The following GORASP2 variants were observed in gnomAD, a reference collection of about 807,000 sequenced individuals.
GORASP2 encodes golgi reassembly stacking protein 2.
In GORASP2, 22 loss-of-function variants were observed where a neutral mutation model predicts 45.7. That is an observed-to-expected ratio of 0.48 (90% CI 0.34 to 0.69). The LOEUF (loss-of-function observed/expected upper bound fraction) is 0.69. Among genes scored for constraint, GORASP2 ranks in the 30% least tolerant of loss-of-function variants. GORASP2 has a pLI of 0.01. For missense variants in GORASP2, 491 were observed against 562.7 expected, an observed-to-expected ratio of 0.87 and a Z score of 1.29; for synonymous variants, 221 against 215.6, an observed-to-expected ratio of 1.02 and a Z score of -0.22.
chr2:170,965,774 G>T lies in GORASP2; in HGVS notation c.1019-16G>T. 9 of 1,570,774 alleles carry T rather than the reference G, an allele frequency of 5.7e-6. No homozygotes were observed. Among genetic ancestry groups the T allele is most frequent in the Non-Finnish European group, 7.9e-6 (9 of 1,140,616 alleles). ...AGTGCTGGGAGGATGTATGATCTAT[G>T]CCGTTTTTGTCCTAGGTCTGCCACC... On this transcript the variant is annotated splice_polypyrimidine_tract_variant and intron_variant, in intron 9 of 9. Coordinates refer to ENST00000234160, the MANE Select transcript of GORASP2 (RefSeq NM_015530.5).
At chr2:170,949,394 T>A (rs1043153128) in intron 2 of GORASP2, 145 bp from the exon 3 acceptor site, 8 of 611,308 alleles carry the variant, frequency 1.3e-5, no homozygotes, top group Admixed American at 3.0e-5. Flanking sequence ...TTCTTTTACA[T>A]AGAAGAAAAT....
At chr2:170,962,236 A>C (rs2676159) in intron 8 of GORASP2, among the ~76,000 whole-genome samples, 5,025 of 152,286 alleles carry the variant, frequency 0.033, 294 homozygotes, top group African/African-American at 0.11. Flanking sequence ...ATCAAATACT[A>C]TTTTAGTGAT....
chr2:170,937,558 A>G (rs1703985050), intron 1 of GORASP2, among the ~76,000 whole-genome samples: 1 of 152,146 alleles, frequency 6.6e-6, no homozygotes, highest in Non-Finnish European at 1.5e-5. Flanking sequence ...AGTCCCAGGT[A>G]CTCAGGAGGC....
chr2:170,938,103 C>G (rs142265278), intron 1 of GORASP2, among the ~76,000 whole-genome samples: 6 of 152,310 alleles, frequency 3.9e-5, no homozygotes, highest in African/African-American at 1.4e-4. Flanking sequence ...TATTAAATCT[C>G]TTTCTTAAAA....
At chr2:170,962,330 T>C (rs78722908) in intron 8 of GORASP2, among the ~76,000 whole-genome samples, 1 of 152,394 alleles carries the variant, frequency 6.6e-6, no homozygotes, top group East Asian at 1.9e-4. Flanking sequence ...ACCAAATGTG[T>C]GCACACACAC....
Position 170,956,464 on chromosome 2 carries a change from C to G in GORASP2, c.728C>G (p.Ser243Cys), listed in dbSNP as rs775597730. The G allele has an allele frequency of 6.2e-7, 1 of 1,612,944 alleles. No individual in the cohort carries two copies. Among genetic ancestry groups the G allele is most frequent in the East Asian group, 2.2e-5 (1 of 44,870 alleles). Residue 243 changes from serine (S) to cysteine (C), a missense_variant, in exon 7 of 10, where the codon TCT becomes TGT. Coordinates refer to ENST00000234160, the MANE Select transcript of GORASP2 (RefSeq NM_015530.5). ...EVQLSSVNPP[S>C]LSPPGTTGIE... ...CAGCTGTCCTCAGTTAATCCCCCGT[C>G]TTTGTCACCACCAGGAACTACAGGA...
chr2:170,956,467 T>C lies in GORASP2; in HGVS notation c.731T>C (p.Leu244Ser), dbSNP rs370492056. 5.6e-6 allele frequency: 9 copies of C among 1,613,318 alleles called. No individual in the cohort carries two copies. In the African/African-American group the frequency reaches 9.3e-5, roughly 17 times the overall value. The part of the protein sequence containing the change: ...VQLSSVNPPS[L>S]SPPGTTGIEQ... ...CTGTCCTCAGTTAATCCCCCGTCTT[T>C]GTCACCACCAGGAACTACAGGAATT... The change falls in exon 7 of 10, where the codon TTG becomes TCG. Residue 244 changes from leucine to serine, a missense_variant. Around this residue, in one of 2 missense-constraint regions of GORASP2, gnomAD observed 297 missense variants for 292.3 expected, o/e 1.02. Coordinates refer to ENST00000234160, the MANE Select transcript of GORASP2 (RefSeq NM_015530.5).
intron 1 of GORASP2, among the ~76,000 whole-genome samples, chr2:170,942,713 T>A (rs1704104981): frequency 6.6e-6 from 1 of 152,224 alleles, no homozygotes; most frequent in Non-Finnish European, 1.5e-5. Context: ...TCCTTGGTTA[T>A]TTGTATACCT....
intron 1 of GORASP2, among the ~76,000 whole-genome samples, chr2:170,934,640 G>A (rs186587585): frequency 2.0e-5 from 3 of 152,206 alleles, no homozygotes; most frequent in East Asian, 3.9e-4. Context: ...AAACAGTAGG[G>A]TTATTTGGTA....
chr2:170,934,630 A>T (rs957497469), intron 1 of GORASP2, among the ~76,000 whole-genome samples: 1 of 152,174 alleles, frequency 6.6e-6, no homozygotes, highest in Non-Finnish European at 1.5e-5. Flanking sequence ...GGTAAAAAGA[A>T]AACAGTAGGG....
At chr2:170,931,657 C>A (rs1575465975) in intron 1 of GORASP2, among the ~76,000 whole-genome samples, 2 of 152,156 alleles carry the variant, frequency 1.3e-5, no homozygotes, top group African/African-American at 2.4e-5. Context: ...CCACTGCTGT[C>A]TTTTGATTTC....
intron 1 of GORASP2, among the ~76,000 whole-genome samples, chr2:170,934,898 C>T (rs1445467739): frequency 2.0e-5 from 3 of 151,908 alleles, no homozygotes; most frequent in Admixed American, 6.6e-5. Flanking sequence ...CCACCGTGCC[C>T]AGCTAATTTT....
intron 1 of GORASP2, among the ~76,000 whole-genome samples, chr2:170,937,186 C>T (rs1003137891): frequency 4.0e-5 from 6 of 151,404 alleles, no homozygotes; most frequent in Admixed American, 6.6e-5. Flanking sequence ...CCAGCCTGGG[C>T]GACAGAGTGA....
At chr2:170,951,302 C>A in intron 4 of GORASP2, 26 bp from the exon 5 acceptor site, 2 of 1,573,530 alleles carry the variant, frequency 1.3e-6, no homozygotes, top group Non-Finnish European at 1.7e-6. Flanking sequence ...TAACGTGAAA[C>A]ATTTTCTCCT....
chr2:170,944,333 A>G (rs1246945183), intron 1 of GORASP2, among the ~76,000 whole-genome samples: 5 of 152,190 alleles, frequency 3.3e-5, no homozygotes, highest in Non-Finnish European at 5.9e-5. Flanking sequence ...GGATTTTTCT[A>G]GGGCACTCTC....
chr2:170,933,016 T>C (rs1461338808), intron 1 of GORASP2, among the ~76,000 whole-genome samples: 1 of 152,104 alleles, frequency 6.6e-6, no homozygotes, highest in Non-Finnish European at 1.5e-5. Flanking sequence ...CAAGGTTGTC[T>C]AAAAAATTAT....
At chr2:170,947,825 T>C (rs1704212121) in intron 1 of GORASP2, among the ~76,000 whole-genome samples, 3 of 152,056 alleles carry the variant, frequency 2.0e-5, no homozygotes, top group Non-Finnish European at 2.9e-5. Context: ...AAACCTCATA[T>C]AGAAGATGAA....
At chr2:170,934,284 G>GT (rs779236342) in intron 1 of GORASP2, among the ~76,000 whole-genome samples, 25 of 136,664 alleles carry the variant, frequency 1.8e-4, no homozygotes, top group East Asian at 4.5e-4. Flanking sequence ...GTTTTGTTTT[G>GT]TTTTTTTTGA....
rs116152439 is a variant in GORASP2 at position 170,961,619 on chromosome 2, C to T, written c.824-44C>T. 2,823 of 1,021,874 alleles carry T rather than the reference C, an allele frequency of 2.8e-3. 24 individuals are homozygous for T. In the African/African-American group the frequency reaches 0.029, roughly 10 times the overall value. 63.3% of individuals were successfully genotyped at this position (1,021,874 alleles called of 1,614,324 possible). On this transcript the variant is annotated intron_variant, in intron 7 of 9. Coordinates refer to ENST00000234160, the MANE Select transcript of GORASP2 (RefSeq NM_015530.5). The stretch of plus-strand genomic sequence containing the variant: ...CTAATGTGTTCTGTTCATTTCTTGT[C>T]GACTAAATTTGTTAGAAATGAAAAG...
Sources: allele counts gnomAD v4.1 joint callset (sites outside exome capture counted in the v4.1 genomes callset), GRCh38; gene constraint gnomAD v4.1.1; regional missense constraint gnomAD v4.1.1; transcripts MANE v1.5; gene names NCBI Gene and HGNC (gene_info 2026-07-23, HGNC 2026-07-21).